The following PKNOX2 variants were observed in gnomAD, a reference collection of about 807,000 sequenced individuals.
The protein encoded by PKNOX2 is PBX/knotted 1 homeobox 2.
In PKNOX2, 14 loss-of-function variants were observed where a neutral mutation model predicts 53.1. That is an observed-to-expected ratio of 0.26 (90% CI 0.17 to 0.41). The LOEUF is 0.41. Ranked by LOEUF, PKNOX2 falls within the 10% of genes least tolerant of loss-of-function variation. The probability of loss-of-function intolerance (pLI) is 1.00; values close to 1 mark genes in which losing one functional copy is unlikely to be tolerated. For missense variants in PKNOX2, 496 were observed against 602.8 expected, an observed-to-expected ratio of 0.82 and a Z score of 1.85; for synonymous variants, 257 against 242.8, an observed-to-expected ratio of 1.06 and a Z score of -0.54.
intron 2 of PKNOX2, among the ~76,000 whole-genome samples, chr11:125,262,304 C>T (rs531907504): frequency 1.3e-5 from 2 of 152,138 alleles, no homozygotes; most frequent in Non-Finnish European, 2.9e-5. Context: ...AAGGTCAGAA[C>T]AGACCATGAG....
At chr11:125,272,868 C>T (rs1022074502) in intron 2 of PKNOX2, among the ~76,000 whole-genome samples, 1 of 152,220 alleles carries the variant, frequency 6.6e-6, no homozygotes, top group Non-Finnish European at 1.5e-5. Flanking sequence ...TGCCTCACCA[C>T]GCCTTGTTTC....
chr11:125,426,288 A>C (rs560949978), intron 10 of PKNOX2, among the ~76,000 whole-genome samples: 3 of 152,272 alleles, frequency 2.0e-5, no homozygotes, highest in South Asian at 2.1e-4. Context: ...TCAAAGTCCA[A>C]CTGAAATCCC....
At chr11:125,228,910 A>C (rs187558324) in intron 1 of PKNOX2, among the ~76,000 whole-genome samples, 2 of 152,296 alleles carry the variant, frequency 1.3e-5, no homozygotes, top group Admixed American at 6.5e-5. Flanking sequence ...TGGAAATAAA[A>C]GGAGGGGGTG....
At chr11:125,298,277 G>A (rs563189094) in intron 2 of PKNOX2, among the ~76,000 whole-genome samples, 12 of 152,206 alleles carry the variant, frequency 7.9e-5, no homozygotes, top group Non-Finnish European at 1.6e-4. Flanking sequence ...GGGAGACCTG[G>A]AAAATTCAGG....
chr11:125,275,689 G>A (rs1946106972), intron 2 of PKNOX2, among the ~76,000 whole-genome samples: 2 of 152,172 alleles, frequency 1.3e-5, no homozygotes, highest in Admixed American at 1.3e-4. Context: ...TTTGGCACCT[G>A]AATGGAGAGT....
rs201952114 is a variant in PKNOX2 at position 125,398,015 on chromosome 11, G to A, written c.541G>A (p.Gly181Arg). 88 of 1,613,700 alleles carry A rather than the reference G, an allele frequency of 5.5e-5. No homozygotes were observed. Among genetic ancestry groups the A allele is most frequent in the Non-Finnish European group, 7.0e-5 (82 of 1,179,820 alleles). ...CGACAACCTGCTCAGGAATGATCTA[G>A]GGGGGCCCTACTCCCCCAACCAGCC... ...HSDNLLRNDL[G>R]GPYSPNQPSI... Residue 181 changes from glycine to arginine, a missense_variant, in exon 7 of 13, where the codon GGG becomes AGG. By Grantham distance (125) the Gly-to-Arg change is moderately radical. Transcript: ENST00000298282.
chr11:125,284,219 A>G (rs1043925244), intron 2 of PKNOX2, among the ~76,000 whole-genome samples: 4 of 152,226 alleles, frequency 2.6e-5, no homozygotes, highest in African/African-American at 9.6e-5. Flanking sequence ...CGGTGCATAC[A>G]CCACTGACTT....
chr11:125,332,324 G>A (rs932971950), intron 3 of PKNOX2, among the ~76,000 whole-genome samples: 1 of 152,066 alleles, frequency 6.6e-6, no homozygotes, highest in African/African-American at 2.4e-5. Flanking sequence ...TGCAGTTCCA[G>A]GACCCCAAAG....
At chr11:125,329,458 A>G (rs1950017315) in intron 2 of PKNOX2, among the ~76,000 whole-genome samples, 1 of 152,268 alleles carries the variant, frequency 6.6e-6, no homozygotes, top group South Asian at 2.1e-4. Flanking sequence ...AAGATATTAC[A>G]CATGAAAGTA....
intron 11 of PKNOX2, among the ~76,000 whole-genome samples, chr11:125,429,757 A>G (rs532724768): frequency 2.6e-5 from 4 of 152,260 alleles, no homozygotes; most frequent in East Asian, 3.9e-4. Flanking sequence ...CATTCTTCCC[A>G]TATGACTTTG....
Position 125,233,259 on chromosome 11 carries a change from T to C in PKNOX2, c.-200-1786T>C, listed in dbSNP as rs796066874. Among the ~76,000 whole-genome samples the C allele has an allele frequency of 2.0e-5, 3 of 152,344 alleles. No individual in the cohort carries two copies. The South Asian group carries it at 6.2e-4, about 32-fold the overall frequency. ...CACCTGAAAAGTTGGCCATATCTTC[T>C]TTCAAGTCACAGGTGTCTCAGACAG... is the stretch of plus-strand genomic sequence containing the variant. On this transcript the variant is annotated intron_variant, in intron 1 of 12. Transcript: ENST00000298282.
chr11:125,198,412 C>T (rs538662157), intron 1 of PKNOX2, among the ~76,000 whole-genome samples: 2 of 152,322 alleles, frequency 1.3e-5, no homozygotes, highest in South Asian at 4.2e-4. Flanking sequence ...CCCCTCTTTA[C>T]CTGAGGGTAA....
chr11:125,197,267 T>G (rs1375660099), intron 1 of PKNOX2, among the ~76,000 whole-genome samples: 1 of 152,176 alleles, frequency 6.6e-6, no homozygotes, highest in Non-Finnish European at 1.5e-5. Context: ...TCTTAATGAA[T>G]TCAGCCACTG....
rs1565519390 is a variant in PKNOX2 at position 125,410,219 on chromosome 11, T to A, written c.612T>A (p.Asn204Lys). 6.2e-7 allele frequency: 1 copy of A among 1,613,960 alleles called. No individual in the cohort carries two copies. Residue 204 changes from asparagine (N) to lysine (K), a missense_variant, in exon 8 of 13, where the codon AAT (asparagine) becomes AAA (lysine). Asn to Lys is a moderately conservative substitution (Grantham distance 94, BLOSUM62 0). Transcript: ENST00000298282. ...HSQDLLQNSPNSMSGVSNNPQ... is the reference protein window; with the variant it reads ...HSQDLLQNSPKSMSGVSNNPQ... Reference sequence around the variant, plus strand: ...AGGACCTCCTGCAGAATTCCCCCAATTCCATGTCCGGAGTCTCCAATAACC... The same window carrying A: ...AGGACCTCCTGCAGAATTCCCCCAAATCCATGTCCGGAGTCTCCAATAACC...
chr11:125,428,822 C>T (rs1373483340), intron 10 of PKNOX2, among the ~76,000 whole-genome samples, 190 bp from the exon 11 acceptor site: 1 of 152,176 alleles, frequency 6.6e-6, no homozygotes, highest in Non-Finnish European at 1.5e-5. Flanking sequence ...GAGTCTCGGG[C>T]ATGGGGCAAC....
intron 1 of PKNOX2, among the ~76,000 whole-genome samples, chr11:125,171,014 A>G (rs1445707014): frequency 7.6e-6 from 1 of 131,910 alleles, no homozygotes; most frequent in Non-Finnish European, 1.7e-5. Context: ...GATGGGCCAG[A>G]AAGCGGCCAC....
intron 2 of PKNOX2, among the ~76,000 whole-genome samples, chr11:125,322,540 G>A (rs909841378): frequency 6.6e-6 from 1 of 152,292 alleles, no homozygotes; most frequent in African/African-American, 2.4e-5. Flanking sequence ...CCCCACCCAG[G>A]ATGGCGCTGC....
At chr11:125,230,010 A>G (rs1396686936) in intron 1 of PKNOX2, among the ~76,000 whole-genome samples, 1 of 152,228 alleles carries the variant, frequency 6.6e-6, no homozygotes, top group East Asian at 1.9e-4. Flanking sequence ...TTCCTAAGAT[A>G]ACTTCATATT....
Position 125,429,062 on chromosome 11 carries a change from C to T in PKNOX2, c.987C>T (p.Asn329=), listed in dbSNP as rs774023541. 3.1e-6 allele frequency: 5 copies of T among 1,613,644 alleles called. No individual in the cohort carries two copies. Among genetic ancestry groups the T allele is most frequent in the Non-Finnish European group, 4.2e-6 (5 of 1,179,570 alleles). ...AGAGGCAGATCGCAGCCCAGACCAA[C>T]CTCACCCTCCTGCAAGTAAACAACT... ...DEKRQIAAQT[N]LTLLQVNNWF... is the part of the protein sequence containing the mutation. Residue 329 remains asparagine (N), a synonymous_variant, in exon 11 of 13, where the codon AAC becomes AAT. Coordinates refer to ENST00000298282, the MANE Select transcript of PKNOX2 (RefSeq NM_001382323.2).
Sources: gnomAD v4.1 joint callset for allele counts (sites outside exome capture counted in the v4.1 genomes callset) on GRCh38, gnomAD v4.1.1 for gene constraint, MANE v1.5 for transcripts, NCBI Gene and HGNC (gene_info 2026-07-23, HGNC 2026-07-21) for gene names.